GMEB1: variants seen among roughly 807,000 people sequenced by gnomAD.
GMEB1 encodes the protein glucocorticoid modulatory element-binding protein 1.
GMEB1 carries 6 observed loss-of-function variants against 52.4 expected under a neutral mutation model. The ratio of observed to expected loss-of-function variants is 0.11; its 90% CI spans 0.06 to 0.23. The LOEUF (loss-of-function observed/expected upper bound fraction) is 0.23. GMEB1 is among the 10% of genes least tolerant of loss of function. The pLI, the probability that GMEB1 is intolerant of heterozygous loss-of-function variation, is 1.00. For missense variants in GMEB1, 486 were observed against 685.6 expected (o/e 0.71, Z 3.25); for synonymous variants, 255 against 244.9 (o/e 1.04, Z -0.38).
intron 1 of GMEB1, among the ~76,000 whole-genome samples, chr1:28,671,658 C>T (rs1405377873): frequency 2.6e-5 from 4 of 151,694 alleles, no homozygotes; most frequent in Middle Eastern, 3.2e-3. Context: ...GTGGGAGGAT[C>T]GCTTGAGCTC....
intron 9 of GMEB1, among the ~76,000 whole-genome samples, chr1:28,713,123 A>T (rs1570442469): frequency 6.8e-6 from 1 of 146,130 alleles, no homozygotes; most frequent in Middle Eastern, 3.7e-3. Context: ...GCACCACTGC[A>T]CTCCAGCCTG....
intron 1 of GMEB1, among the ~76,000 whole-genome samples, chr1:28,674,406 A>T (rs184068146): frequency 8.9e-4 from 136 of 152,048 alleles, no homozygotes; most frequent in African/African-American, 3.1e-3. Context: ...TTATTTATTT[A>T]TTTATTTTTT....
intron 1 of GMEB1, among the ~76,000 whole-genome samples, chr1:28,679,270 T>C (rs1266495818): frequency 6.6e-6 from 1 of 151,938 alleles, no homozygotes; most frequent in Non-Finnish European, 1.5e-5. Flanking sequence ...CTCCACCTCC[T>C]GGGTTCAATG....
At chr1:28,707,476 A>G (rs1169853884) in intron 8 of GMEB1, among the ~76,000 whole-genome samples, 1 of 152,066 alleles carries the variant, frequency 6.6e-6, no homozygotes, top group African/African-American at 2.4e-5. Flanking sequence ...AGTTAGGAAG[A>G]AGTGATTAGA....
chr1:28,717,022 T>C lies in GMEB1; in HGVS notation c.*2249T>C, dbSNP rs1325878079. 6.6e-6 allele frequency: 1 copy of C among 151,692 alleles called. No homozygotes were observed. The highest frequency in any genetic ancestry group is 2.4e-5 in the African/African-American group (1 of 41,312). The allele number at this position is 151,692 out of a possible 1,614,324, so 9.4% of individuals were successfully genotyped here. ...TTTTATTAAAAACAAAACTTGGACCTGTAGTTTTTTTTTTTCTTTTTTATT... is the reference window on the plus strand; with the variant it reads ...TTTTATTAAAAACAAAACTTGGACCCGTAGTTTTTTTTTTTCTTTTTTATT... On this transcript the variant is annotated 3_prime_UTR_variant, in exon 10 of 10. Transcript: ENST00000373816.
chr1:28,683,511 G>A (rs1229482726), intron 1 of GMEB1, 72 bp from the exon 2 acceptor site: 1 of 1,310,416 alleles, frequency 7.6e-7, no homozygotes, highest in Non-Finnish European at 1.0e-6. Context: ...TTCCAGGCGT[G>A]AGCCACCATG....
At chr1:28,713,743 G>A (rs1269948082) in intron 9 of GMEB1, among the ~76,000 whole-genome samples, 1 of 152,176 alleles carries the variant, frequency 6.6e-6, no homozygotes, top group East Asian at 1.9e-4. Context: ...AGGTGCATGA[G>A]AGTTCCAAGG....
chr1:28,690,115 C>T lies in GMEB1; in HGVS notation c.140C>T (p.Ala47Val). 1 of 1,602,564 alleles carries T rather than the reference C, an allele frequency of 6.2e-7. No homozygotes were observed. Among genetic ancestry groups the T allele is most frequent in the South Asian group, 1.1e-5 (1 of 88,898 alleles). Residue 47 changes from alanine to valine, a missense_variant, in exon 3 of 10, where the codon GCT becomes GTT. Physicochemically the swap from Ala to Val is moderately conservative, Grantham distance 64 (BLOSUM62 0). Coordinates refer to ENST00000373816, the MANE Select transcript of GMEB1 (RefSeq NM_001319674.2). ...CACTTTTACAACAGGATTTATGAAG[C>T]TGGGTCGGAGAACAACACGGCAGTT... is the stretch of plus-strand genomic sequence containing the variant. Reference protein sequence around the residue: ...LQPVQQGIYEAGSENNTAVVA... With the variant: ...LQPVQQGIYEVGSENNTAVVA...
At chr1:28,675,782 GAACGATC>G (rs897257509) in intron 1 of GMEB1, among the ~76,000 whole-genome samples, 1 of 151,900 alleles carries the variant, frequency 6.6e-6, no homozygotes, top group African/African-American at 2.4e-5. Flanking sequence ...CCAAAGCCCC[GAACGATC>G]AACTCACTCA....
At position 28,714,038 on chromosome 1, in the gene GMEB1, T is replaced by G. The variant is rs373146384; in HGVS notation, c.992-35T>G. The G allele has an allele frequency of 1.4e-4, 208 of 1,493,344 alleles. 2 individuals carry two copies. The highest frequency in any genetic ancestry group is 1.3e-3 in the South Asian group (108 of 83,666). The allele number at this position is 1,493,344 out of a possible 1,614,324, so 92.5% of individuals were successfully genotyped here. A position where few individuals can be genotyped will look rare whatever the true frequency, so the allele number is the denominator to read the frequency against. ...AGTTTAATGCTCCCAAGATTTTACT[T>G]CCCTCTACACAAAGTCTTTTCTTTT... On this transcript the variant is annotated intron_variant, in intron 9 of 9. Coordinates refer to ENST00000373816, the MANE Select transcript of GMEB1 (RefSeq NM_001319674.2).
intron 2 of GMEB1, chr1:28,689,866 C>G: frequency 5.2e-6 from 2 of 385,472 alleles, no homozygotes; most frequent in Non-Finnish European, 4.6e-6. Flanking sequence ...AAATAAGTAG[C>G]AAAAATTACT....
chr1:28,714,433 A>G lies in GMEB1; in HGVS notation c.1352A>G (p.Asp451Gly). The G allele has an allele frequency of 8.1e-6, 13 of 1,614,196 alleles. No individual in the cohort carries two copies. The highest frequency in any genetic ancestry group is 1.1e-5 in the Non-Finnish European group (13 of 1,180,028). Reference protein sequence around the residue: ...VVSSAKSSSPDTVTIHPSSSL... With the variant: ...VVSSAKSSSPGTVTIHPSSSL... ...TCCTCTGCCAAGAGCAGCTCACCAG[A>G]CACAGTGACCATCCACCCTTCATCT... The change falls in exon 10 of 10, where the codon GAC becomes GGC. Residue 451 changes from aspartate (D) to glycine (G), a missense_variant. Coordinates refer to ENST00000373816, the MANE Select transcript of GMEB1 (RefSeq NM_001319674.2).
rs1352216444 is a variant in GMEB1 at position 28,719,287 on chromosome 1, A to T, written c.*4514A>T. On this transcript the variant is annotated 3_prime_UTR_variant, in exon 10 of 10. Coordinates refer to ENST00000373816, the MANE Select transcript of GMEB1 (RefSeq NM_001319674.2). The stretch of plus-strand genomic sequence containing the variant: ...CTTTCTCAATTTCCAAGCTCCACCC[A>T]CTCCTAAAAACACCAGTCATTCTGA... 6 of 151,950 alleles carry T rather than the reference A, an allele frequency of 3.9e-5. No homozygotes were observed. Among genetic ancestry groups the T allele is most frequent in the Admixed American group, 1.3e-4 (2 of 15,214 alleles). 9.4% of individuals were successfully genotyped at this position (151,950 alleles called of 1,614,324 possible).
chr1:28,682,875 A>G (rs1669457962), intron 1 of GMEB1, among the ~76,000 whole-genome samples: 3 of 152,142 alleles, frequency 2.0e-5, no homozygotes, highest in Admixed American at 2.0e-4. Context: ...AACTCTCTGG[A>G]AAAACAAAAT....
intron 7 of GMEB1, among the ~76,000 whole-genome samples, chr1:28,703,942 C>T (rs1466983175): frequency 2.6e-5 from 4 of 151,622 alleles, no homozygotes; most frequent in African/African-American, 7.3e-5. Flanking sequence ...GTAGTGAGAA[C>T]TATGACAAAT....
At chr1:28,683,836 T>C in intron 2 of GMEB1, 96 bp downstream of exon 2, 1 of 1,160,334 alleles carries the variant, frequency 8.6e-7, no homozygotes. Context: ...AATGGAACAT[T>C]TAACATCAAT....
At chr1:28,687,387 C>CAAAAAAAAAAAAAAAAAAAA (rs1242840628) in intron 2 of GMEB1, among the ~76,000 whole-genome samples, 4 of 41,118 alleles carry the variant, frequency 9.7e-5, no homozygotes, top group African/African-American at 2.9e-4. Context: ...CACACACACA[C>CAAAAAAAAAAAAAAAAAAAA]AAAAAAAGAC....
chr1:28,694,041 T>C (rs1257356398), intron 5 of GMEB1, among the ~76,000 whole-genome samples: 1 of 152,044 alleles, frequency 6.6e-6, no homozygotes. Context: ...CTGAAGAGAT[T>C]TTACATGGAA....
chr1:28,673,745 C>T (rs979320588), intron 1 of GMEB1, among the ~76,000 whole-genome samples: 3 of 152,050 alleles, frequency 2.0e-5, no homozygotes, highest in South Asian at 2.1e-4. Context: ...TGGGCACAGT[C>T]GCTCAGGTCT....
Sources: allele counts gnomAD v4.1 joint callset (sites outside exome capture counted in the v4.1 genomes callset), GRCh38; gene constraint gnomAD v4.1.1; transcripts MANE v1.5; gene names NCBI Gene and HGNC (gene_info 2026-07-23, HGNC 2026-07-21).